The following COL26A1 variants were observed in gnomAD, a reference collection of about 807,000 sequenced individuals.
The protein encoded by COL26A1 is collagen alpha-1(XXVI) chain.
Under a neutral mutation model 59.3 loss-of-function variants are expected in COL26A1, and 41 were observed. The ratio of observed to expected loss-of-function variants is 0.69; its 90% confidence interval spans 0.54 to 0.90. The LOEUF (loss-of-function observed/expected upper bound fraction) is 0.90. COL26A1 is among the 40% of genes least tolerant of loss of function. The pLI is 0.00. For synonymous variants in COL26A1, 266 were observed against 256.0 expected, an observed-to-expected ratio of 1.04 and a Z score of -0.37; for missense variants, 612 against 602.3, an observed-to-expected ratio of 1.02 and a Z score of -0.17.
chr7:101,386,261 T>G (rs1038748904), intron 1 of COL26A1, among the ~76,000 whole-genome samples: 7 of 143,418 alleles, frequency 4.9e-5, no homozygotes, highest in Admixed American at 4.8e-4. Context: ...TAGCTTGTTT[T>G]TTTTTTTTTT....
At chr7:101,393,752 T>G (rs1791788315) in intron 1 of COL26A1, among the ~76,000 whole-genome samples, 2 of 148,038 alleles carry the variant, frequency 1.4e-5, no homozygotes, top group South Asian at 4.3e-4. Flanking sequence ...TGGCCAATTT[T>G]TAATTTATTT....
At chr7:101,494,173 C>T (rs1794531795) in intron 3 of COL26A1, among the ~76,000 whole-genome samples, 1 of 130,052 alleles carries the variant, frequency 7.7e-6, no homozygotes, top group South Asian at 2.4e-4. Flanking sequence ...TCTCTGTTGC[C>T]CAGGCTGGAG....
chr7:101,472,438 G>A (rs1793927010), intron 3 of COL26A1, among the ~76,000 whole-genome samples: 1 of 152,154 alleles, frequency 6.6e-6, no homozygotes, highest in Admixed American at 6.6e-5. Flanking sequence ...GTAACCAAGA[G>A]TGCCTAACTT....
chr7:101,384,307 G>A (rs1333131782), intron 1 of COL26A1, among the ~76,000 whole-genome samples: 5 of 148,734 alleles, frequency 3.4e-5, no homozygotes. Context: ...CGTCATCTCG[G>A]CTTACTGCAA....
At chr7:101,551,791 C>T (rs905467103) in intron 10 of COL26A1, among the ~76,000 whole-genome samples, 3 of 151,698 alleles carry the variant, frequency 2.0e-5, no homozygotes, top group African/African-American at 4.8e-5. Context: ...CCTCTAGGGC[C>T]AAGGAGTCAG....
Position 101,525,641 on chromosome 7 carries a change from T to C in COL26A1, c.386-7441T>C, listed in dbSNP as rs557625510. Among the ~76,000 whole-genome samples the C allele has an allele frequency of 1.6e-3, 239 of 150,836 alleles. 1 individual carries two copies. Among genetic ancestry groups the C allele is most frequent in the Middle Eastern group, 0.01 (3 of 288 alleles). ...CCTCCTGAGTAGCTGGGACTACAGG[T>C]GCCCACCATCACGCCCGGCTAATTT... On this transcript the variant is annotated intron_variant, in intron 3 of 12. Coordinates refer to ENST00000313669, the MANE Select transcript of COL26A1 (RefSeq NM_001278563.3).
chr7:101,380,883 T>C (rs1362504271), intron 1 of COL26A1, among the ~76,000 whole-genome samples: 1 of 152,230 alleles, frequency 6.6e-6, no homozygotes, highest in Non-Finnish European at 1.5e-5. Flanking sequence ...TGATAATTCA[T>C]GAGTGGTTAT....
At chr7:101,464,592 T>G (rs62464280) in intron 3 of COL26A1, among the ~76,000 whole-genome samples, 46,059 of 142,356 alleles carry the variant, frequency 0.32, 7,428 homozygotes, top group Middle Eastern at 0.39. Flanking sequence ...TGTATTTTCA[T>G]TAGAGATGAG....
Position 101,402,232 on chromosome 7 carries a change from C to G in COL26A1, c.159-17745C>G, listed in dbSNP as rs534104782. Among the ~76,000 whole-genome samples the G allele has an allele frequency of 2.6e-5, 4 of 152,220 alleles. 1 individual carries two copies. The South Asian group carries it at 8.3e-4, about 32-fold the overall frequency. ...TCGCTGGGCTGTGATGTGATCGTGT[C>G]GGATGCCAAATTCCACAGTCAGTCC... On this transcript the variant is annotated intron_variant, in intron 1 of 12. Transcript: ENST00000313669.
At chr7:101,430,275 C>T (rs1792747803) in intron 2 of COL26A1, among the ~76,000 whole-genome samples, 2 of 151,562 alleles carry the variant, frequency 1.3e-5, no homozygotes, top group Non-Finnish European at 1.5e-5. Context: ...TAATTTCTTT[C>T]TCTCTTTCTC....
intron 1 of COL26A1, among the ~76,000 whole-genome samples, chr7:101,393,295 G>A (rs374692120): frequency 6.6e-6 from 1 of 152,154 alleles, no homozygotes; most frequent in African/African-American, 2.4e-5. Context: ...ACGATCACAA[G>A]GTCTCACAAT....
chr7:101,489,139 G>A (rs950263923), intron 3 of COL26A1, among the ~76,000 whole-genome samples: 1 of 151,952 alleles, frequency 6.6e-6, no homozygotes, highest in South Asian at 2.1e-4. Flanking sequence ...TTTGACACAT[G>A]TTCATTTTCT....
intron 3 of COL26A1, among the ~76,000 whole-genome samples, chr7:101,505,967 C>G (rs1794804956): frequency 6.6e-6 from 1 of 152,202 alleles, no homozygotes; most frequent in African/African-American, 2.4e-5. Flanking sequence ...CCCTGAGTCT[C>G]CTGGTCCCTC....
rs189925405 is a variant in COL26A1 at position 101,553,358 on chromosome 7, G to T, written c.1062G>T (p.Glu354Asp). The part of the protein sequence containing the change: ...GEPGVKGEEG[E>D]KAATAEGEGV... Reference sequence around the variant, plus strand: ...CTGGCGTGAAGGGGGAAGAAGGAGAGAAAGCCGCCACTGCAGAGGTAACCA... The same window carrying T: ...CTGGCGTGAAGGGGGAAGAAGGAGATAAAGCCGCCACTGCAGAGGTAACCA... The change falls in exon 11 of 13, where the codon GAG becomes GAT. Residue 354 changes from glutamate (E) to aspartate (D), a missense_variant. By Grantham distance (45) the Glu-to-Asp change is conservative (BLOSUM62 2). Transcript: ENST00000313669. 7,876 of 1,613,678 alleles carry T rather than the reference G, an allele frequency of 4.9e-3. 43 individuals carry two copies. The highest frequency in any genetic ancestry group is 6.9e-3 in the Middle Eastern group (42 of 6,060).
At chr7:101,463,626 T>TCTTCCTTC (rs1310357604) in intron 3 of COL26A1, among the ~76,000 whole-genome samples, 4 of 57,030 alleles carry the variant, frequency 7.0e-5, no homozygotes, top group Non-Finnish European at 1.3e-4. Flanking sequence ...TCCCTCCCCC[T>TCTTCCTTC]CTTCCTTCCT....
At chr7:101,484,127 A>G (rs1178796467) in intron 3 of COL26A1, among the ~76,000 whole-genome samples, 1 of 150,606 alleles carries the variant, frequency 6.6e-6, no homozygotes, top group Non-Finnish European at 1.5e-5. Context: ...TGAGGTTACA[A>G]ATGTGAGCTA....
Position 101,419,978 on chromosome 7 carries a change from C to T in COL26A1, c.160C>T (p.His54Tyr). 2.5e-6 allele frequency: 4 copies of T among 1,613,540 alleles called. No homozygotes were observed. In the South Asian group the frequency reaches 4.4e-5, roughly 18 times the overall value. Residue 54 changes from histidine to tyrosine, a missense_variant and splice_region_variant, in exon 2 of 13, where the codon CAC (histidine) becomes TAC (tyrosine). Physicochemically the swap from His to Tyr is moderately conservative, Grantham distance 83. Coordinates refer to ENST00000313669, the MANE Select transcript of COL26A1 (RefSeq NM_001278563.3). ...SPGSGYASRRHWCHHTVTRTV... is the reference protein window; with the variant it reads ...SPGSGYASRRYWCHHTVTRTV... ...ATGTGACTGTTGCTCTCTCCACAGGCACTGGTGCCATCACACAGTGACACG... is the reference window on the plus strand; with the variant it reads ...ATGTGACTGTTGCTCTCTCCACAGGTACTGGTGCCATCACACAGTGACACG...
At chr7:101,468,794 G>C (rs888163185) in intron 3 of COL26A1, among the ~76,000 whole-genome samples, 3 of 152,204 alleles carry the variant, frequency 2.0e-5, no homozygotes, top group African/African-American at 7.2e-5. Context: ...GCCATCTGTA[G>C]GGGTGCAGGC....
Position 101,489,652 on chromosome 7 carries a change from T to C in COL26A1, c.385+41865T>C, listed in dbSNP as rs4729719. On this transcript the variant is annotated intron_variant, in intron 3 of 12. Coordinates refer to ENST00000313669, the MANE Select transcript of COL26A1 (RefSeq NM_001278563.3). ...TTCTTTCTTTCTTTCTTTCTTTCTT[T>C]CTTTCTTTCTTCCTTCCTTCCTTCC... Among the ~76,000 whole-genome samples the C allele has an allele frequency of 4.8e-3, 361 of 75,646 alleles. 3 individuals carry two copies. The highest frequency in any genetic ancestry group is 0.011 in the Middle Eastern group (2 of 178). 49.6% of individuals were successfully genotyped at this position (75,646 alleles called of 152,430 possible). A position where few individuals can be genotyped will look rare whatever the true frequency, so the allele number is the denominator to read the frequency against.
Sources: allele counts gnomAD v4.1 joint callset (sites outside exome capture counted in the v4.1 genomes callset), GRCh38; gene constraint gnomAD v4.1.1; transcripts MANE v1.5; gene names NCBI Gene and HGNC (gene_info 2026-07-23, HGNC 2026-07-21).